Variants in XPO5 observed in about 807,000 individuals in gnomAD.
The protein encoded by XPO5 is exportin 5, also known as exportin-5.
A neutral mutation model predicts 160.6 loss-of-function variants in XPO5; 46 were observed. The ratio of observed to expected loss-of-function variants is 0.29; its 90% CI spans 0.23 to 0.37. The LOEUF is 0.37. Among genes scored for constraint, XPO5 ranks in the 10% least tolerant of loss-of-function variants. XPO5 has a pLI of 1.00. For synonymous variants in XPO5, 537 were observed against 519.3 expected, an observed-to-expected ratio of 1.03 and a Z score of -0.46; for missense variants, 1,090 against 1,463.9, an observed-to-expected ratio of 0.74 and a Z score of 4.17.
intron 12 of XPO5, among the ~76,000 whole-genome samples, chr6:43,557,195 G>A (rs1762138217): frequency 6.6e-6 from 1 of 151,042 alleles, no homozygotes; most frequent in Admixed American, 6.6e-5. Flanking sequence ...GGGAAGCCGA[G>A]GCGGGTGGAT....
At position 43,574,430 on chromosome 6, in the gene XPO5, A is replaced by G. The variant is rs981496092; in HGVS notation, c.106-829T>C. On this transcript the variant is annotated intron_variant, in intron 1 of 31. Coordinates refer to ENST00000265351, the MANE Select transcript of XPO5 (RefSeq NM_020750.3). ...TAAAAATAAAAATATAAAATATATA[A>G]AAGTTACACATATATAACATTTCCT... 4.0e-5 allele frequency among the ~76,000 whole-genome samples: 6 copies of G among 150,466 alleles called. No individual in the cohort carries two copies. In the East Asian group the frequency reaches 1.2e-3, roughly 29 times the overall value.
At chr6:43,536,650 C>T (rs1478556555) in intron 20 of XPO5, among the ~76,000 whole-genome samples, 1 of 148,452 alleles carries the variant, frequency 6.7e-6, no homozygotes, top group Non-Finnish European at 1.5e-5. Flanking sequence ...ATCCCAGCTA[C>T]TCAGGAGGCT....
Position 43,570,951 on chromosome 6 carries a change from G to A in XPO5, c.344C>T (p.Ala115Val), listed in dbSNP as rs370633103. 1.1e-4 allele frequency: 181 copies of A among 1,613,702 alleles called. No individual in the cohort carries two copies. The highest frequency in any genetic ancestry group is 3.3e-4 in the Middle Eastern group (2 of 6,062). ...ILEEENHIKDALSRIVVEMIK... is the reference protein window; with the variant it reads ...ILEEENHIKDVLSRIVVEMIK... ...CATTTCCACTACAATTCGAGACAGA[G>A]CATCTTTAATATGGTTCTCCTCTTC... is the stretch of plus-strand genomic sequence containing the variant. Residue 115 changes from alanine to valine, a missense_variant, in exon 4 of 32, where the codon GCT (alanine) becomes GTT (valine). Physicochemically the swap from Ala to Val is moderately conservative, Grantham distance 64 (BLOSUM62 0). Coordinates refer to ENST00000265351, the MANE Select transcript of XPO5 (RefSeq NM_020750.3).
chr6:43,571,068 G>C, intron 3 of XPO5, 74 bp from the exon 4 acceptor site: 3 of 1,496,052 alleles, frequency 2.0e-6, no homozygotes, highest in Non-Finnish European at 2.7e-6. Flanking sequence ...CTGGGCTGTA[G>C]AGTTGTAAAA....
chr6:43,531,764 C>G lies in XPO5; in HGVS notation c.2444-189G>C, dbSNP rs78599897. Among the ~76,000 whole-genome samples, 745 of 152,070 alleles carry G rather than the reference C, an allele frequency of 4.9e-3. 5 individuals carry two copies. Among genetic ancestry groups the G allele is most frequent in the African/African-American group, 0.016 (678 of 41,492 alleles). On this transcript the variant is annotated intron_variant, in intron 21 of 31. Transcript: ENST00000265351. Reference sequence around the variant, plus strand: ...GAGAAGGTGAAAGCTACTTAAGGACCCAGGACTTTAGACCCGGGTACTCTT... The same window carrying G: ...GAGAAGGTGAAAGCTACTTAAGGACGCAGGACTTTAGACCCGGGTACTCTT...
chr6:43,525,076 A>G (rs1050954600), intron 29 of XPO5, 31 bp downstream of exon 29: 43 of 1,570,162 alleles, frequency 2.7e-5, no homozygotes, highest in Non-Finnish European at 3.7e-5. Context: ...ACCTTCCATG[A>G]GGGGCAGGGA....
At position 43,526,740 on chromosome 6, in the gene XPO5, G is replaced by C; in HGVS notation, c.2928C>G (p.Cys976Trp). 2 of 1,613,752 alleles carry C rather than the reference G, an allele frequency of 1.2e-6. No individual in the cohort carries two copies. The highest frequency in any genetic ancestry group is 1.7e-6 in the Non-Finnish European group (2 of 1,179,792). The part of the protein sequence containing the change: ...TREVMDLITV[C>W]CVSKKGADHS... ...GGTCAGCACCCTTCTTTGAAACACA[G>C]CAAACCGCTAAAGCAAGAAAGCAGG... The change falls in exon 27 of 32, where the codon TGC becomes TGG. Residue 976 changes from cysteine (C) to tryptophan (W), a missense_variant. Cys to Trp is a radical substitution (Grantham distance 215, BLOSUM62 -2). Around this residue, in one of 3 missense-constraint regions of XPO5, gnomAD observed 810 missense variants for 1,139.0 expected, o/e 0.71. Coordinates refer to ENST00000265351, the MANE Select transcript of XPO5 (RefSeq NM_020750.3).
rs183250263 is a variant in XPO5 at position 43,556,045 on chromosome 6, C to G, written c.1313-81G>C. 1.9e-4 allele frequency: 295 copies of G among 1,544,520 alleles called. 2 individuals are homozygous for G. In the African/African-American group the frequency reaches 3.8e-3, roughly 20 times the overall value. On this transcript the variant is annotated intron_variant, in intron 12 of 31. Transcript: ENST00000265351. ...GTACTTAATGTTTATTAATTTACCA[C>G]CCTAGGGGAAAAGCATTCAAAGGAA...
intron 19 of XPO5, 70 bp downstream of exon 19, chr6:43,547,538 A>C: frequency 6.9e-7 from 1 of 1,446,650 alleles, no homozygotes; most frequent in Non-Finnish European, 9.7e-7. Context: ...TCTATGAGAA[A>C]CTTGACAAAA....
intron 26 of XPO5, chr6:43,527,393 T>C: frequency 2.9e-6 from 1 of 345,078 alleles, no homozygotes; most frequent in Non-Finnish European, 5.4e-6. Flanking sequence ...TACCTCAGCC[T>C]CCTGAGTAGC....
At chr6:43,568,047 A>C (rs1169602591) in intron 6 of XPO5, among the ~76,000 whole-genome samples, 2 of 151,418 alleles carry the variant, frequency 1.3e-5, no homozygotes, top group Non-Finnish European at 2.9e-5. Context: ...GGTGGCTCAC[A>C]CCTGTAATCC....
At chr6:43,536,200 A>G (rs1409598054) in intron 20 of XPO5, among the ~76,000 whole-genome samples, 1 of 151,688 alleles carries the variant, frequency 6.6e-6, no homozygotes, top group Non-Finnish European at 1.5e-5. Flanking sequence ...GGATCACCTG[A>G]GGTCAGGAGT....
At chr6:43,560,357 G>T (rs911812489) in intron 10 of XPO5, 54 bp from the exon 11 acceptor site, 6 of 1,522,146 alleles carry the variant, frequency 3.9e-6, no homozygotes, top group African/African-American at 1.4e-5. Flanking sequence ...ATATAACCCA[G>T]ATTATTACTT....
chr6:43,572,418 G>A (rs941677965), intron 3 of XPO5, 88 bp downstream of exon 3: 34 of 1,312,334 alleles, frequency 2.6e-5, no homozygotes, highest in Non-Finnish European at 3.6e-5. Flanking sequence ...TTTAGAAGCA[G>A]TGAATTTTTA....
At chr6:43,568,660 C>T in intron 6 of XPO5, 51 bp downstream of exon 6, 1 of 1,485,474 alleles carries the variant, frequency 6.7e-7, no homozygotes, top group East Asian at 2.4e-5. Flanking sequence ...CACGTATCCC[C>T]TCACCTGAAA....
Position 43,522,740 on chromosome 6 carries a change from G to T in XPO5, c.*1128C>A, listed in dbSNP as rs1434505347. 2 of 498,018 alleles carry T rather than the reference G, an allele frequency of 4.0e-6. No individual in the cohort carries two copies. The highest frequency in any genetic ancestry group is 8.4e-6 in the Non-Finnish European group (2 of 238,220). 30.8% of individuals were successfully genotyped at this position (498,018 alleles called of 1,614,324 possible). ...TTGTCAGTGGACTGGATGGACAACA[G>T]GTCTGTTTTTGTGCAGAGCACATGG... On this transcript the variant is annotated 3_prime_UTR_variant, in exon 32 of 32. Coordinates refer to ENST00000265351, the MANE Select transcript of XPO5 (RefSeq NM_020750.3).
chr6:43,527,413 A>G (rs1183072888), intron 26 of XPO5: 3 of 416,474 alleles, frequency 7.2e-6, no homozygotes, highest in African/African-American at 6.2e-5. Flanking sequence ...CTGGGACTAC[A>G]GGCCTGCGCG....
chr6:43,527,548 T>C, intron 26 of XPO5, 86 bp downstream of exon 26: 3 of 1,339,640 alleles, frequency 2.2e-6, no homozygotes, highest in Non-Finnish European at 2.1e-6. Flanking sequence ...TCCTTTGCAT[T>C]AGTCAGGCCT....
intron 17 of XPO5, among the ~76,000 whole-genome samples, chr6:43,548,872 T>A (rs568307935): frequency 1.2e-4 from 19 of 152,074 alleles, no homozygotes; most frequent in Non-Finnish European, 2.6e-4. Flanking sequence ...TTGCATCTGC[T>A]TTTCTCAAGA....
Sources: gnomAD v4.1 joint callset for allele counts (sites outside exome capture counted in the v4.1 genomes callset) on GRCh38, gnomAD v4.1.1 for gene constraint, gnomAD v4.1.1 regional missense constraint, MANE v1.5 for transcripts, NCBI Gene and HGNC (gene_info 2026-07-23, HGNC 2026-07-21) for gene names.